Variants in NCAM2 observed in about 807,000 individuals in gnomAD.
NCAM2 encodes neural cell adhesion molecule 2.
In NCAM2, 30 loss-of-function variants were observed where a neutral mutation model predicts 98.1. That is an observed-to-expected ratio of 0.31 (90% CI 0.23 to 0.41). The LOEUF is 0.41. Ranked by LOEUF, NCAM2 falls within the 10% of genes least tolerant of loss-of-function variation. The probability of loss-of-function intolerance (pLI) is 1.00; values close to 1 mark genes in which losing one functional copy is unlikely to be tolerated. For missense variants in NCAM2, 867 were observed against 1,005.8 expected, an observed-to-expected ratio of 0.86 and a Z score of 1.87; for synonymous variants, 368 against 342.4, an observed-to-expected ratio of 1.07 and a Z score of -0.83.
chr21:21,171,814 A>G (rs2068133693), intron 1 of NCAM2, among the ~76,000 whole-genome samples: 1 of 150,686 alleles, frequency 6.6e-6, no homozygotes, highest in Non-Finnish European at 1.5e-5. Context: ...GCTAATGGGG[A>G]TAGAATCAAA....
At chr21:21,385,527 A>T (rs1342937109) in intron 9 of NCAM2, 2 of 610,390 alleles carry the variant, frequency 3.3e-6, no homozygotes. Context: ...TAGAAGCCGC[A>T]TTTACTGTAA....
intron 1 of NCAM2, among the ~76,000 whole-genome samples, chr21:21,231,787 A>G (rs183095562): frequency 3.4e-4 from 52 of 151,488 alleles, no homozygotes; most frequent in African/African-American, 1.2e-3. Context: ...TTTCTCATCT[A>G]TTGAGGTCTA....
intron 1 of NCAM2, among the ~76,000 whole-genome samples, chr21:21,142,377 G>GCT (rs1475439057): frequency 9.3e-6 from 1 of 107,178 alleles, no homozygotes; most frequent in East Asian, 2.9e-4. Flanking sequence ...TTTTTTTTAT[G>GCT]TTTTTTTTTT....
At chr21:21,064,713 G>A (rs780558618) in intron 1 of NCAM2, among the ~76,000 whole-genome samples, 5 of 152,184 alleles carry the variant, frequency 3.3e-5, no homozygotes, top group Non-Finnish European at 7.3e-5. Context: ...ACAGAAAACT[G>A]AGAAACATTA....
At chr21:21,024,406 A>G (rs2146197703) in intron 1 of NCAM2, among the ~76,000 whole-genome samples, 1 of 152,282 alleles carries the variant, frequency 6.6e-6, no homozygotes, top group Middle Eastern at 3.4e-3. Context: ...AACAGAGAAA[A>G]TTGAAGTATT....
intron 1 of NCAM2, among the ~76,000 whole-genome samples, chr21:21,204,254 C>G (rs1300375789): frequency 2.0e-5 from 3 of 151,990 alleles, no homozygotes; most frequent in Non-Finnish European, 4.4e-5. Context: ...CTTGGCATAG[C>G]AATTATTTAT....
intron 11 of NCAM2, among the ~76,000 whole-genome samples, chr21:21,419,202 T>A (rs2077056582): frequency 6.6e-6 from 1 of 151,986 alleles, no homozygotes; most frequent in African/African-American, 2.4e-5. Context: ...GTATCTGCTA[T>A]ACAGTGAGCA....
chr21:21,344,692 C>A (rs982698949), intron 8 of NCAM2, among the ~76,000 whole-genome samples: 1 of 152,150 alleles, frequency 6.6e-6, no homozygotes, highest in Non-Finnish European at 1.5e-5. Flanking sequence ...CCACCTGGGG[C>A]AAGGGGGACC....
intron 8 of NCAM2, among the ~76,000 whole-genome samples, chr21:21,364,343 T>C (rs765528558): frequency 4.7e-4 from 72 of 152,110 alleles, no homozygotes; most frequent in Non-Finnish European, 9.0e-4. Flanking sequence ...AATATAGATA[T>C]ATTTTACCCT....
At position 21,411,119 on chromosome 21, in the gene NCAM2, T is replaced by C. The variant is rs796425367; in HGVS notation, c.1383+658T>C. ...ATATATATACATATATATGTATATA[T>C]ATATACACATATATATGTATATATA... On this transcript the variant is annotated intron_variant, in intron 10 of 17. Transcript: ENST00000400546. 1.7e-3 allele frequency among the ~76,000 whole-genome samples: 130 copies of C among 77,782 alleles called. 5 individuals carry two copies. Among genetic ancestry groups the C allele is most frequent in the Non-Finnish European group, 2.9e-3 (99 of 33,828 alleles). 51.0% of individuals were successfully genotyped at this position (77,782 alleles called of 152,430 possible).
At chr21:21,519,787 G>A (rs1370882579) in intron 16 of NCAM2, among the ~76,000 whole-genome samples, 1 of 151,960 alleles carries the variant, frequency 6.6e-6, no homozygotes, top group African/African-American at 2.4e-5. Context: ...TGAGGAATAG[G>A]GTTAACTGAT....
In NCAM2 at chr21:21,467,428, TTA is replaced by T. The variant is rs72131936; in HGVS notation, c.1774+717_1774+718del. 5.0e-4 allele frequency among the ~76,000 whole-genome samples: 70 copies of T among 140,726 alleles called. 3 individuals are homozygous for T. In the East Asian group the frequency reaches 9.9e-3, roughly 20 times the overall value. The allele number at this position is 140,726 out of a possible 152,430, so 92.3% of individuals were successfully genotyped here. On this transcript the variant is annotated intron_variant, in intron 13 of 17. Transcript: ENST00000400546. ...TGTATATGTGTATATATATATCTTT[TTA>T]TATATATATATATGTTAGGACAGTC...
In NCAM2 at chr21:21,335,509, G is replaced by C; in HGVS notation, c.742G>C (p.Gly248Arg). The change falls in exon 7 of 18, where the codon GGC becomes CGC. Residue 248 changes from glycine (G) to arginine (R), a missense_variant. Gly to Arg is a moderately radical substitution (Grantham distance 125, BLOSUM62 -2). Transcript: ENST00000400546. ...PEPAISWFRN[G>R]KLIEENEKYI... ...AACCTCTTTTTTCTTCTTTAGGAAT[G>C]GCAAGCTCATTGAAGAAAATGAGAA... 1 of 1,588,218 alleles carries C rather than the reference G, an allele frequency of 6.3e-7. No homozygotes were observed. The highest frequency in any genetic ancestry group is 8.6e-7 in the Non-Finnish European group (1 of 1,169,362).
chr21:21,518,464 T>C (rs959820475), intron 16 of NCAM2, among the ~76,000 whole-genome samples: 1 of 152,096 alleles, frequency 6.6e-6, no homozygotes, highest in African/African-American at 2.4e-5. Flanking sequence ...TTCCAATATT[T>C]TTTGCTTTCT....
At chr21:21,123,043 T>C (rs942671581) in intron 1 of NCAM2, among the ~76,000 whole-genome samples, 5 of 152,202 alleles carry the variant, frequency 3.3e-5, no homozygotes, top group Non-Finnish European at 5.9e-5. Flanking sequence ...TTTTCCTTGG[T>C]AATATAATTA....
At chr21:21,129,438 G>A (rs1357899162) in intron 1 of NCAM2, among the ~76,000 whole-genome samples, 1 of 152,036 alleles carries the variant, frequency 6.6e-6, no homozygotes, top group Non-Finnish European at 1.5e-5. Context: ...TGCAAATTCT[G>A]TTGTAGAATA....
intron 9 of NCAM2, among the ~76,000 whole-genome samples, chr21:21,377,260 TATA>T (rs1053294370): frequency 2.6e-5 from 4 of 151,818 alleles, no homozygotes; most frequent in Non-Finnish European, 5.9e-5. Context: ...CCACTAAATC[TATA>T]ATAATCATCA....
intron 12 of NCAM2, among the ~76,000 whole-genome samples, chr21:21,461,602 A>G (rs1982984469): frequency 6.6e-6 from 1 of 151,972 alleles, no homozygotes; most frequent in Non-Finnish European, 1.5e-5. Flanking sequence ...ATATATATCC[A>G]TATAAATGTT....
At chr21:21,172,277 A>G (rs1375373496) in intron 1 of NCAM2, among the ~76,000 whole-genome samples, 1 of 152,096 alleles carries the variant, frequency 6.6e-6, no homozygotes, top group Non-Finnish European at 1.5e-5. Context: ...ATGCACTAGT[A>G]CCACCCTTAT....
Sources: gnomAD v4.1 joint callset for allele counts (sites outside exome capture counted in the v4.1 genomes callset) on GRCh38, gnomAD v4.1.1 for gene constraint, MANE v1.5 for transcripts, NCBI Gene and HGNC (gene_info 2026-07-23, HGNC 2026-07-21) for gene names.